EFL1: variants seen among roughly 807,000 people sequenced by gnomAD.
The protein encoded by EFL1 is elongation factor-like GTPase 1.
In EFL1, 76 loss-of-function variants were observed where a neutral mutation model predicts 126.7. That is an observed-to-expected ratio of 0.60 (90% CI 0.50 to 0.73). The LOEUF is 0.73. EFL1 is among the 30% of genes least tolerant of loss of function. The pLI is 0.00. For missense variants in EFL1, 1,128 were observed against 1,343.2 expected, an observed-to-expected ratio of 0.84 and a Z score of 2.50; for synonymous variants, 410 against 448.4, an observed-to-expected ratio of 0.91 and a Z score of 1.08.
intron 17 of EFL1, 149 bp from the exon 18 acceptor site, chr15:82,152,572 A>G (rs1595945166): frequency 4.1e-6 from 3 of 734,070 alleles, no homozygotes; most frequent in African/African-American, 3.6e-5. Flanking sequence ...TTTACATTAT[A>G]TAACATTCAA....
rs531931738 is a variant in EFL1 at position 82,258,964 on chromosome 15, G to A, written c.159+124C>T. The A allele has an allele frequency of 7.1e-6, 6 of 844,946 alleles. No individual in the cohort carries two copies. The South Asian group carries it at 1.0e-4, about 14-fold the overall frequency. The allele number at this position is 844,946 out of a possible 1,614,324, so 52.3% of individuals were successfully genotyped here. A position where few individuals can be genotyped will look rare whatever the true frequency, so the allele number is the denominator to read the frequency against. ...TTTTATCTTGCAAAATGGATTGGCAGCTTTTAGACGCAAGAATTATGTTTT... is the reference window on the plus strand; with the variant it reads ...TTTTATCTTGCAAAATGGATTGGCAACTTTTAGACGCAAGAATTATGTTTT... On this transcript the variant is annotated intron_variant, in intron 3 of 19. Coordinates refer to ENST00000268206, the MANE Select transcript of EFL1 (RefSeq NM_024580.6).
At chr15:82,260,158 G>C (rs1317350111) in intron 2 of EFL1, among the ~76,000 whole-genome samples, 1 of 151,956 alleles carries the variant, frequency 6.6e-6, no homozygotes. Context: ...GATAGTAGCA[G>C]CTTAACATAA....
intron 15 of EFL1, 85 bp from the exon 16 acceptor site, chr15:82,164,069 T>C (rs2074051876): frequency 6.6e-7 from 1 of 1,524,428 alleles, no homozygotes; most frequent in Non-Finnish European, 8.9e-7. Flanking sequence ...CAACCCAGTA[T>C]ATGTATCACA....
chr15:82,233,837 C>T (rs1016362663), intron 7 of EFL1: 7 of 152,284 alleles, frequency 4.6e-5, no homozygotes, highest in South Asian at 4.1e-4. Flanking sequence ...GCTCATTTTC[C>T]ACCTTTTGTG....
At chr15:82,244,136 A>G (rs546551534) in intron 4 of EFL1, among the ~76,000 whole-genome samples, 9 of 152,200 alleles carry the variant, frequency 5.9e-5, no homozygotes, top group Middle Eastern at 3.4e-3. Flanking sequence ...TGCCTTTTTC[A>G]TCTTAACCCT....
At chr15:82,252,897 G>A in intron 3 of EFL1, 122 bp from the exon 4 acceptor site, 2 of 720,882 alleles carry the variant, frequency 2.8e-6, no homozygotes, top group South Asian at 4.3e-5. Context: ...ATTTATTTTT[G>A]TAGAGACAGG....
chr15:82,252,212 G>A (rs541256699), intron 4 of EFL1, among the ~76,000 whole-genome samples: 2 of 152,192 alleles, frequency 1.3e-5, no homozygotes, highest in African/African-American at 4.8e-5. Context: ...AAACTTTTTA[G>A]TGAATATCAG....
chr15:82,261,958 A>G, intron 1 of EFL1, 161 bp from the exon 2 acceptor site: 1 of 565,980 alleles, frequency 1.8e-6, no homozygotes, highest in Non-Finnish European at 3.1e-6. Flanking sequence ...GCCTAAGTCC[A>G]GTTCGAGCAC....
At chr15:82,203,856 G>A (rs2074497443) in intron 15 of EFL1, among the ~76,000 whole-genome samples, 1 of 152,028 alleles carries the variant, frequency 6.6e-6, no homozygotes, top group African/African-American at 2.4e-5. Context: ...GATATTTAGG[G>A]TGTGTCCCTT....
At chr15:82,196,859 C>T (rs536525790) in intron 15 of EFL1, among the ~76,000 whole-genome samples, 1 of 152,242 alleles carries the variant, frequency 6.6e-6, no homozygotes, top group East Asian at 1.9e-4. Flanking sequence ...TAGTGAAACC[C>T]TGTCTCTACT....
At position 82,156,764 on chromosome 15, in the gene EFL1, C is replaced by A. The variant is rs531537185; in HGVS notation, c.2030+949G>T. Among the ~76,000 whole-genome samples, 8 of 151,732 alleles carry A rather than the reference C, an allele frequency of 5.3e-5. No homozygotes were observed. The East Asian group carries it at 1.5e-3, about 29-fold the overall frequency. On this transcript the variant is annotated intron_variant, in intron 17 of 19. Transcript: ENST00000268206. ...TTTTGTTATGATTATGATTATAGTC[C>A]CAGAAATTTTAAAAACAAAAAGAAG...
At chr15:82,172,882 T>C (rs1387205784) in intron 15 of EFL1, among the ~76,000 whole-genome samples, 1 of 152,200 alleles carries the variant, frequency 6.6e-6, no homozygotes, top group Admixed American at 6.5e-5. Context: ...TCACTTTTAT[T>C]TATCCCTTAC....
chr15:82,194,177 A>G (rs1372019767), intron 15 of EFL1, among the ~76,000 whole-genome samples: 4 of 152,214 alleles, frequency 2.6e-5, no homozygotes, highest in African/African-American at 9.6e-5. Context: ...CTGGATCTTC[A>G]GCCCAAGCAC....
rs142570055 is a variant in EFL1 at position 82,172,247 on chromosome 15, C to A, written c.1751-8263G>T. Among the ~76,000 whole-genome samples, 5 of 152,278 alleles carry A rather than the reference C, an allele frequency of 3.3e-5. 1 individual carries two copies. In the East Asian group the frequency reaches 9.6e-4, roughly 29 times the overall value. ...TAGACAAGAACAAAAATTGTTACAA[C>A]TATGAGCGAGAATAAGCTGCATTAT... is the stretch of plus-strand genomic sequence containing the variant. On this transcript the variant is annotated intron_variant, in intron 15 of 19. Coordinates refer to ENST00000268206, the MANE Select transcript of EFL1 (RefSeq NM_024580.6).
At chr15:82,175,282 C>T (rs1261163486) in intron 15 of EFL1, among the ~76,000 whole-genome samples, 1 of 152,106 alleles carries the variant, frequency 6.6e-6, no homozygotes, top group African/African-American at 2.4e-5. Context: ...CTTGAAGTAA[C>T]AATATTAGGC....
chr15:82,146,935 G>A (rs1661628734), intron 18 of EFL1, among the ~76,000 whole-genome samples: 1 of 152,122 alleles, frequency 6.6e-6, no homozygotes, highest in South Asian at 2.1e-4. Flanking sequence ...ACTGACTGAT[G>A]GCCAAGTGGG....
chr15:82,160,158 G>C (rs1401961915), intron 16 of EFL1: 5 of 152,258 alleles, frequency 3.3e-5, no homozygotes, highest in Non-Finnish European at 7.3e-5. Context: ...AGGCATTATA[G>C]CTTCTGCCTT....
At chr15:82,166,651 T>C (rs1373872157) in intron 15 of EFL1, among the ~76,000 whole-genome samples, 1 of 152,214 alleles carries the variant, frequency 6.6e-6, no homozygotes, top group African/African-American at 2.4e-5. Context: ...GAAGCAACTT[T>C]TTGTTTTTAA....
chr15:82,225,693 C>T (rs1296736462), intron 11 of EFL1, among the ~76,000 whole-genome samples: 1 of 152,000 alleles, frequency 6.6e-6, no homozygotes, highest in African/African-American at 2.4e-5. Flanking sequence ...TTTCCCAATC[C>T]CCCACAATAA....
Sources: allele counts gnomAD v4.1 joint callset (sites outside exome capture counted in the v4.1 genomes callset), GRCh38; gene constraint gnomAD v4.1.1; transcripts MANE v1.5; gene names NCBI Gene and HGNC (gene_info 2026-07-23, HGNC 2026-07-21).